PREX2: variants seen among roughly 807,000 people sequenced by gnomAD.
PREX2 encodes phosphatidylinositol 3,4,5-trisphosphate-dependent Rac exchanger 2 protein.
In PREX2, 107 loss-of-function variants were observed where a neutral mutation model predicts 203.2. The ratio of observed to expected loss-of-function variants is 0.53; its 90% CI spans 0.45 to 0.62. PREX2 has a LOEUF of 0.62. Ranked by LOEUF, PREX2 falls within the 20% of genes least tolerant of loss-of-function variation. PREX2 has a pLI of 0.00. For synonymous variants in PREX2, 672 were observed against 663.6 expected (o/e 1.01, Z -0.19); for missense variants, 1,777 against 1,955.9 (o/e 0.91, Z 1.72).
intron 39 of PREX2, among the ~76,000 whole-genome samples, chr8:68,227,089 T>G (rs1185709150): frequency 6.6e-6 from 1 of 152,134 alleles, no homozygotes; most frequent in Non-Finnish European, 1.5e-5. Flanking sequence ...TTGAAGACAA[T>G]AGGGAGGCAT....
intron 3 of PREX2, 34 bp from the exon 4 acceptor site, chr8:68,022,002 A>G: frequency 9.8e-7 from 1 of 1,021,734 alleles, no homozygotes; most frequent in Non-Finnish European, 1.6e-6. Flanking sequence ...AATGGTGAAT[A>G]AAATGACTAA....
At chr8:68,001,994 C>G (rs945121199) in intron 1 of PREX2, among the ~76,000 whole-genome samples, 4 of 151,852 alleles carry the variant, frequency 2.6e-5, no homozygotes. Context: ...AGGCTTAGCA[C>G]CTGGGTGATG....
chr8:68,158,283 T>A (rs1811586095), intron 35 of PREX2, among the ~76,000 whole-genome samples: 1 of 152,110 alleles, frequency 6.6e-6, no homozygotes, highest in Non-Finnish European at 1.5e-5. Flanking sequence ...TTGTTCTATC[T>A]TGAGCCTTAA....
At chr8:68,200,421 T>C (rs932188399) in intron 37 of PREX2, among the ~76,000 whole-genome samples, 2 of 152,010 alleles carry the variant, frequency 1.3e-5, no homozygotes, top group Non-Finnish European at 2.9e-5. Context: ...AATAGGCAAA[T>C]AAACATTAAA....
At chr8:68,037,523 T>C (rs1808069101) in intron 6 of PREX2, among the ~76,000 whole-genome samples, 1 of 152,190 alleles carries the variant, frequency 6.6e-6, no homozygotes, top group South Asian at 2.1e-4. Flanking sequence ...TCAGTTCTAG[T>C]GGCCAGTGCT....
chr8:68,224,684 A>G, intron 39 of PREX2, 58 bp downstream of exon 39: 3 of 1,310,608 alleles, frequency 2.3e-6, no homozygotes, highest in Non-Finnish European at 3.3e-6. Context: ...TTTCCCCGGC[A>G]GTGTCCCTCC....
intron 7 of PREX2, among the ~76,000 whole-genome samples, chr8:68,039,759 A>G (rs1585728823): frequency 6.6e-6 from 1 of 152,042 alleles, no homozygotes; most frequent in Admixed American, 6.6e-5. Context: ...CCCACATCCA[A>G]TCCATTAGAA....
At chr8:68,040,958 C>T (rs1486923360) in intron 7 of PREX2, among the ~76,000 whole-genome samples, 2 of 152,084 alleles carry the variant, frequency 1.3e-5, no homozygotes, top group Non-Finnish European at 2.9e-5. Context: ...ATACTTTTTT[C>T]TTGAGAATGT....
At chr8:68,107,009 G>T (rs901712066) in intron 23 of PREX2, among the ~76,000 whole-genome samples, 1 of 152,060 alleles carries the variant, frequency 6.6e-6, no homozygotes, top group African/African-American at 2.4e-5. Context: ...TCTTACTGAT[G>T]GTACACAGAA....
At chr8:68,174,411 T>C (rs1811939850) in intron 35 of PREX2, among the ~76,000 whole-genome samples, 1 of 152,190 alleles carries the variant, frequency 6.6e-6, no homozygotes, top group African/African-American at 2.4e-5. Context: ...CAGTTCTCTG[T>C]TATGTAGATT....
intron 20 of PREX2, among the ~76,000 whole-genome samples, chr8:68,092,672 T>C (rs1159084911): frequency 6.6e-6 from 1 of 152,200 alleles, no homozygotes; most frequent in Non-Finnish European, 1.5e-5. Flanking sequence ...AGATGAATGA[T>C]GTCCTTCCAA....
At chr8:68,137,326 A>C (rs1811133090) in intron 32 of PREX2, among the ~76,000 whole-genome samples, 1 of 152,030 alleles carries the variant, frequency 6.6e-6, no homozygotes, top group Non-Finnish European at 1.5e-5. Flanking sequence ...GGAGTGTAGC[A>C]GTGCAATCTT....
chr8:68,014,663 A>G (rs1003885464), intron 1 of PREX2, among the ~76,000 whole-genome samples: 4 of 152,188 alleles, frequency 2.6e-5, no homozygotes, highest in Non-Finnish European at 5.9e-5. Context: ...TATAGAAACA[A>G]CCACTGTTTA....
intron 1 of PREX2, among the ~76,000 whole-genome samples, chr8:67,976,000 G>A (rs1194864963): frequency 1.3e-5 from 2 of 151,680 alleles, no homozygotes; most frequent in Non-Finnish European, 2.9e-5. Flanking sequence ...ACAGGCGTGA[G>A]TCACTATGCC....
chr8:68,163,171 A>G (rs1307321535), intron 35 of PREX2, among the ~76,000 whole-genome samples: 1 of 152,246 alleles, frequency 6.6e-6, no homozygotes, highest in East Asian at 1.9e-4. Context: ...ACATGTATAC[A>G]CAAAAATACA....
chr8:68,136,268 T>G (rs1056564064), intron 32 of PREX2, among the ~76,000 whole-genome samples: 28 of 152,326 alleles, frequency 1.8e-4, no homozygotes, highest in Admixed American at 2.6e-4. Context: ...GTGGTTTTTT[T>G]TCAACTGGTC....
intron 11 of PREX2, among the ~76,000 whole-genome samples, chr8:68,062,009 A>C (rs570935934): frequency 6.6e-6 from 1 of 152,076 alleles, no homozygotes; most frequent in Non-Finnish European, 1.5e-5. Flanking sequence ...TTTGATGTTC[A>C]TTTCCTTTCT....
rs1585806486 is a variant in PREX2 at position 68,115,861 on chromosome 8, A to G, written c.3255A>G (p.Val1085=). 6.2e-7 allele frequency: 1 copy of G among 1,614,086 alleles called. No homozygotes were observed. Among genetic ancestry groups the G allele is most frequent in the Non-Finnish European group, 8.5e-7 (1 of 1,179,952 alleles). Residue 1085 remains valine (V), a synonymous_variant, in exon 26 of 40, where the codon GTA becomes GTG. Coordinates refer to ENST00000288368, the MANE Select transcript of PREX2 (RefSeq NM_024870.4). ...NEKGERNSKR[V]CFNVAGDEQE... ...AGGGAGAAAGAAACAGCAAACGGGT[A>G]TGTTTTAATGTAGCAGGAGATGAAC...
At chr8:67,968,209 T>C (rs1805829874) in intron 1 of PREX2, among the ~76,000 whole-genome samples, 1 of 152,126 alleles carries the variant, frequency 6.6e-6, no homozygotes. Context: ...TGTAAAGTGC[T>C]ATTGGAAGCA....
Sources: allele counts gnomAD v4.1 joint callset (sites outside exome capture counted in the v4.1 genomes callset), GRCh38; gene constraint gnomAD v4.1.1; transcripts MANE v1.5; gene names NCBI Gene and HGNC (gene_info 2026-07-23, HGNC 2026-07-21).